The following PDE4D variants were observed in gnomAD, a reference collection of about 807,000 sequenced individuals.
PDE4D encodes 3',5'-cyclic-AMP phosphodiesterase 4D.
PDE4D carries 24 observed loss-of-function variants against 87.4 expected under a neutral mutation model. The observed-to-expected ratio is 0.27, with a 90% CI of 0.20 to 0.39. The LOEUF is 0.39. PDE4D is among the 10% of genes least tolerant of loss of function. The pLI is 1.00. For missense variants in PDE4D, 714 were observed against 1,041.0 expected (o/e 0.69, Z 4.32); for synonymous variants, 384 against 383.2 (o/e 1.00, Z -0.02).
chr5:60,143,466 A>T (rs1278134610), intron 2 of PDE4D, among the ~76,000 whole-genome samples: 1 of 152,200 alleles, frequency 6.6e-6, no homozygotes, highest in South Asian at 2.1e-4. Context: ...GGATTTTATT[A>T]TTCATCTTCA....
chr5:60,378,623 G>T (rs1344734378), intron 1 of PDE4D, among the ~76,000 whole-genome samples: 5 of 152,162 alleles, frequency 3.3e-5, no homozygotes, highest in Admixed American at 1.3e-4. Flanking sequence ...GGAGGCCAAG[G>T]TGGGTGGATC....
intron 1 of PDE4D, among the ~76,000 whole-genome samples, chr5:59,299,997 G>A (rs569260696): frequency 1.5e-4 from 22 of 151,104 alleles, no homozygotes; most frequent in African/African-American, 5.1e-4. Context: ...CTGTAGTCCC[G>A]GCTACTTGGG....
chr5:59,375,234 G>A (rs1784521042), intron 1 of PDE4D, among the ~76,000 whole-genome samples: 1 of 151,982 alleles, frequency 6.6e-6, no homozygotes, highest in South Asian at 2.1e-4. Context: ...CAAAAGATCA[G>A]TGAATCCAGG....
chr5:60,120,803 G>C (rs948776755), intron 2 of PDE4D, among the ~76,000 whole-genome samples: 1 of 152,136 alleles, frequency 6.6e-6, no homozygotes, highest in Non-Finnish European at 1.5e-5. Flanking sequence ...TACCCACTGC[G>C]ATAGTTAACA....
At chr5:60,286,402 G>A (rs540176624) in intron 1 of PDE4D, among the ~76,000 whole-genome samples, 67 of 152,172 alleles carry the variant, frequency 4.4e-4, no homozygotes, top group African/African-American at 1.5e-3. Context: ...TTTGATCTCC[G>A]TAGATATTTG....
At chr5:59,727,623 G>T (rs550190091) in intron 1 of PDE4D, among the ~76,000 whole-genome samples, 2 of 152,150 alleles carry the variant, frequency 1.3e-5, no homozygotes, top group East Asian at 3.9e-4. Flanking sequence ...ATTTGAGTAG[G>T]CAGAGCATGG....
intron 1 of PDE4D, among the ~76,000 whole-genome samples, chr5:60,230,045 C>A (rs1028933057): frequency 6.6e-6 from 1 of 152,096 alleles, no homozygotes; most frequent in Non-Finnish European, 1.5e-5. Context: ...AACACCCAAG[C>A]TCTTCAAAAG....
At chr5:59,327,173 C>T (rs969638512) in intron 1 of PDE4D, among the ~76,000 whole-genome samples, 1 of 139,364 alleles carries the variant, frequency 7.2e-6, no homozygotes, top group African/African-American at 2.6e-5. Flanking sequence ...ACACACACTC[C>T]AGACTGGCTG....
chr5:60,138,929 G>A (rs761080491), intron 2 of PDE4D, among the ~76,000 whole-genome samples: 1 of 152,012 alleles, frequency 6.6e-6, no homozygotes, highest in Non-Finnish European at 1.5e-5. Context: ...ATAAAGGGCT[G>A]TTTGGTTTTT....
chr5:59,221,392 G>A (rs910732629), intron 1 of PDE4D, among the ~76,000 whole-genome samples: 28 of 152,162 alleles, frequency 1.8e-4, no homozygotes, highest in African/African-American at 6.0e-4. Flanking sequence ...AGCACTTTAG[G>A]AAGCCAAGGC....
intron 1 of PDE4D, among the ~76,000 whole-genome samples, chr5:60,260,690 G>A (rs910174171): frequency 2.6e-5 from 4 of 151,976 alleles, no homozygotes; most frequent in South Asian, 2.1e-4. Context: ...TGGATGCAGC[G>A]CTGTTTATAT....
chr5:59,062,854 CT>C (rs908601664), intron 5 of PDE4D, among the ~76,000 whole-genome samples: 8 of 151,988 alleles, frequency 5.3e-5, no homozygotes, highest in Middle Eastern at 3.2e-3. Context: ...CCCCCACCCC[CT>C]ATAACACTAC....
intron 1 of PDE4D, among the ~76,000 whole-genome samples, chr5:59,384,573 T>G (rs1412428108): frequency 6.8e-6 from 1 of 147,948 alleles, no homozygotes; most frequent in Non-Finnish European, 1.5e-5. Flanking sequence ...TTAGAGGTTG[T>G]CAGGGCAATT....
chr5:60,496,165 T>A (rs1169496423), intron 1 of PDE4D, among the ~76,000 whole-genome samples: 1 of 152,180 alleles, frequency 6.6e-6, no homozygotes, highest in Non-Finnish European at 1.5e-5. Context: ...TCACCATAAA[T>A]GGGATGGCCG....
chr5:59,196,615 A>C (rs919502102), intron 2 of PDE4D, among the ~76,000 whole-genome samples: 2 of 152,178 alleles, frequency 1.3e-5, no homozygotes, highest in African/African-American at 2.4e-5. Flanking sequence ...TCCAGAGCTA[A>C]ACACTTCAGC....
chr5:59,898,420 A>T (rs1167295285), upstream of PDE4D, among the ~76,000 whole-genome samples: 1 of 152,224 alleles, frequency 6.6e-6, no homozygotes, highest in East Asian at 1.9e-4. Flanking sequence ...GATGGGGGGA[A>T]GAGATATACT....
At chr5:60,234,542 G>T (rs1019327240) in intron 1 of PDE4D, among the ~76,000 whole-genome samples, 1 of 151,706 alleles carries the variant, frequency 6.6e-6, no homozygotes, top group Non-Finnish European at 1.5e-5. Flanking sequence ...AAGAGACTGC[G>T]CTATTTTATA....
intron 1 of PDE4D, among the ~76,000 whole-genome samples, chr5:60,275,577 T>C (rs2149734343): frequency 6.6e-6 from 1 of 151,782 alleles, no homozygotes; most frequent in East Asian, 1.9e-4. Context: ...CCACAATGTG[T>C]TTTTTGAACT....
intron 2 of PDE4D, among the ~76,000 whole-genome samples, chr5:60,177,434 A>C (rs1162760985): frequency 6.6e-6 from 1 of 152,200 alleles, no homozygotes; most frequent in African/African-American, 2.4e-5. Context: ...GCAGCAAAAA[A>C]TTTAAATAAT....
Sources: allele counts gnomAD v4.1 joint callset (sites outside exome capture counted in the v4.1 genomes callset), GRCh38; gene constraint gnomAD v4.1.1; transcripts MANE v1.5; gene names NCBI Gene and HGNC (gene_info 2026-07-23, HGNC 2026-07-21).